Variants in SECISBP2 observed in about 807,000 individuals in gnomAD.
SECISBP2 encodes the protein selenocysteine insertion sequence-binding protein 2.
SECISBP2 carries 96 observed loss-of-function variants against 98.2 expected under a neutral mutation model. The ratio of observed to expected loss-of-function variants is 0.98; its 90% CI spans 0.83 to 1.16. SECISBP2 has a LOEUF of 1.16. SECISBP2 is among the 50% of genes most tolerant of loss of function. The pLI, the probability that SECISBP2 is intolerant of heterozygous loss-of-function variation, is 0.00. For synonymous variants in SECISBP2, 407 were observed against 370.2 expected, an observed-to-expected ratio of 1.10 and a Z score of -1.14; for missense variants, 1,046 against 1,022.9, an observed-to-expected ratio of 1.02 and a Z score of -0.31.
chr9:89,327,305 T>G (rs375940077), intron 4 of SECISBP2, among the ~76,000 whole-genome samples: 2 of 152,276 alleles, frequency 1.3e-5, no homozygotes, highest in African/African-American at 4.8e-5. Flanking sequence ...TACTGTACAC[T>G]GTTGGAGACG....
chr9:89,356,412 C>T (rs2132073349), intron 14 of SECISBP2: 1 of 152,292 alleles, frequency 6.6e-6, no homozygotes, highest in Non-Finnish European at 1.5e-5. Flanking sequence ...CATTTTGGAT[C>T]ATTCTATGCA....
chr9:89,346,575 G>C (rs115694056), intron 10 of SECISBP2, among the ~76,000 whole-genome samples: 1 of 141,736 alleles, frequency 7.1e-6, no homozygotes, highest in African/African-American at 2.5e-5. Context: ...GATCCATGCT[G>C]TATTAGACTG....
chr9:89,335,375 C>T (rs1305345934), intron 7 of SECISBP2, among the ~76,000 whole-genome samples: 8 of 152,018 alleles, frequency 5.3e-5, no homozygotes. Flanking sequence ...CACTGTTGCC[C>T]AGCCTGGAGT....
chr9:89,323,717 T>C (rs2131570196), intron 2 of SECISBP2: 1 of 152,420 alleles, frequency 6.6e-6, no homozygotes, highest in South Asian at 2.1e-4. Flanking sequence ...ATCTGGAATT[T>C]CCCAGACATG....
At chr9:89,358,587 G>A in intron 16 of SECISBP2, 134 bp from the exon 17 acceptor site, 1 of 726,612 alleles carries the variant, frequency 1.4e-6, no homozygotes, top group East Asian at 2.7e-5. Flanking sequence ...GTGAATGTCT[G>A]CCAGGGCACC....
chr9:89,333,619 A>G (rs1367176790), intron 6 of SECISBP2, among the ~76,000 whole-genome samples: 1 of 151,996 alleles, frequency 6.6e-6, no homozygotes, highest in Non-Finnish European at 1.5e-5. Context: ...AAGGCAACTG[A>G]TGTGTTTGTA....
chr9:89,324,965 A>C, intron 2 of SECISBP2: 1 of 229,440 alleles, frequency 4.4e-6, no homozygotes, highest in Non-Finnish European at 8.7e-6. Context: ...TTGCGCTCTG[A>C]CCCTGTTAGT....
Position 89,325,626 on chromosome 9 carries a change from CGAAATGAGAA to C in SECISBP2, c.383_392del (p.Arg128ProfsTer9). The stretch of plus-strand genomic sequence containing the variant: ...CCGAGGTTTTCAAACAGTGAAGCAT[CGAAATGAGAA>C]CACATGCCCTCTCCCACAAGAAATG... On this transcript the variant is annotated frameshift_variant, in exon 3 of 17. Coordinates refer to ENST00000375807, the MANE Select transcript of SECISBP2 (RefSeq NM_024077.5). LOFTEE classifies it high-confidence loss of function. 1 of 1,614,086 alleles carries C rather than the reference CGAAATGAGAA, an allele frequency of 6.2e-7. No individual in the cohort carries two copies. The highest frequency in any genetic ancestry group is 8.5e-7 in the Non-Finnish European group (1 of 1,180,008).
At chr9:89,350,947 A>G in intron 14 of SECISBP2, 95 bp downstream of exon 14, 4 of 989,598 alleles carry the variant, frequency 4.0e-6, no homozygotes, top group South Asian at 1.3e-5. Context: ...CCCATGCCAC[A>G]GGTCTTGACA....
At chr9:89,340,556 C>G (rs1273620574) in intron 9 of SECISBP2, among the ~76,000 whole-genome samples, 1 of 152,200 alleles carries the variant, frequency 6.6e-6, no homozygotes. Context: ...AAATAAAATT[C>G]TAAACCTTTG....
At chr9:89,327,010 ATATTAGCC>A (rs1826827897) in intron 4 of SECISBP2, among the ~76,000 whole-genome samples, 1 of 152,044 alleles carries the variant, frequency 6.6e-6, no homozygotes, top group Non-Finnish European at 1.5e-5. Flanking sequence ...AAAATACAAA[ATATTAGCC>A]TGGCGTGGTG....
rs750744973 is a variant in SECISBP2, at chr9:89,318,572, G to C, written c.-5G>C. Reference sequence around the variant, plus strand: ...CGTGACGCGGCCTCCTCCGCGCCTCGCGGCATGGCGTCGGAGGGGCCGCGG... The same window carrying C: ...CGTGACGCGGCCTCCTCCGCGCCTCCCGGCATGGCGTCGGAGGGGCCGCGG... On this transcript the variant is annotated 5_prime_UTR_variant, in exon 1 of 17. Coordinates refer to ENST00000375807, the MANE Select transcript of SECISBP2 (RefSeq NM_024077.5). The C allele has an allele frequency of 6.7e-7, 1 of 1,501,866 alleles. No homozygotes were observed. The highest frequency in any genetic ancestry group is 8.8e-7 in the Non-Finnish European group (1 of 1,131,462). 93.0% of individuals were successfully genotyped at this position (1,501,866 alleles called of 1,614,324 possible).
Position 89,358,714 on chromosome 9 carries a change from A to C in SECISBP2, c.2462-7A>C, listed in dbSNP as rs766276150. 1.3e-6 allele frequency: 2 copies of C among 1,597,334 alleles called. No individual in the cohort carries two copies. Among genetic ancestry groups the C allele is most frequent in the South Asian group, 2.2e-5 (2 of 90,782 alleles). ...TATTCCTCACTCGTGCTGTTTTCTC[A>C]TTTTAGTTGAAATCTGGAAAAAACA... On this transcript the variant is annotated splice_polypyrimidine_tract_variant and splice_region_variant and intron_variant, in intron 16 of 16. Coordinates refer to ENST00000375807, the MANE Select transcript of SECISBP2 (RefSeq NM_024077.5).
rs1564426399 is a variant in SECISBP2 at position 89,349,792 on chromosome 9, CG to C, written c.1756del (p.Glu586AsnfsTer2). 1 of 1,614,162 alleles carries C rather than the reference CG, an allele frequency of 6.2e-7. No homozygotes were observed. Among genetic ancestry groups the C allele is most frequent in the Non-Finnish European group, 8.5e-7 (1 of 1,180,040 alleles). On this transcript the variant is annotated frameshift_variant, in exon 13 of 17. Transcript: ENST00000375807. LOFTEE classifies it high-confidence loss of function. ...AELSGPEGMD[E>X]LISTPSVEDK... ...TCCATGAAGGGCCAGAGGGGATGGA[CG>C]AACTGATCTCCACTCCTTCGGTTGA...
intron 2 of SECISBP2, chr9:89,322,410 A>G (rs1825962718): frequency 6.6e-6 from 1 of 152,230 alleles, no homozygotes; most frequent in South Asian, 2.1e-4. Flanking sequence ...TTGTTTGGGT[A>G]TTATTGTATA....
chr9:89,334,438 C>G, intron 6 of SECISBP2, 84 bp from the exon 7 acceptor site: 1 of 1,096,972 alleles, frequency 9.1e-7, no homozygotes, highest in Non-Finnish European at 1.4e-6. Context: ...TGAGCAGTTA[C>G]CTCATGTAAT....
chr9:89,359,662 G>C lies in SECISBP2; in HGVS notation c.*838G>C, dbSNP rs373262218. ...ATTAAATTTTGTTTCAGACTCTGGT[G>C]ATTTTAGGCTTCTCAGTGGTCTCTG... On this transcript the variant is annotated 3_prime_UTR_variant, in exon 17 of 17. Transcript: ENST00000375807. The C allele has an allele frequency of 2.6e-5, 4 of 152,094 alleles. No homozygotes were observed. Among genetic ancestry groups the C allele is most frequent in the East Asian group, 3.9e-4 (2 of 5,186 alleles). The allele number at this position is 152,094 out of a possible 1,614,324, so 9.4% of individuals were successfully genotyped here.
intron 9 of SECISBP2, among the ~76,000 whole-genome samples, chr9:89,341,121 G>T (rs1255269520): frequency 6.6e-6 from 1 of 152,178 alleles, no homozygotes; most frequent in East Asian, 1.9e-4. Flanking sequence ...AAGTGTAGGT[G>T]ATTTAATATA....
downstream of SECISBP2, among the ~76,000 whole-genome samples, chr9:89,362,684 C>T (rs923129596): frequency 6.6e-6 from 1 of 152,240 alleles, no homozygotes; most frequent in African/African-American, 2.4e-5. Flanking sequence ...GAGAGGGAGC[C>T]TGTGTGTGCT....
Sources: allele counts gnomAD v4.1 joint callset (sites outside exome capture counted in the v4.1 genomes callset), GRCh38; gene constraint gnomAD v4.1.1; transcripts MANE v1.5; gene names NCBI Gene and HGNC (gene_info 2026-07-23, HGNC 2026-07-21).